Variants in GRM8 observed in about 807,000 individuals in gnomAD.
GRM8 encodes glutamate metabotropic receptor 8, also known as metabotropic glutamate receptor 8.
In GRM8, 47 loss-of-function variants were observed where a neutral mutation model predicts 87.2. The ratio of observed to expected loss-of-function variants is 0.54; its 90% CI spans 0.43 to 0.69. The LOEUF (loss-of-function observed/expected upper bound fraction) is 0.69. GRM8 is among the 30% of genes least tolerant of loss of function. The pLI is 0.00. For missense variants in GRM8, 1,019 were observed against 1,139.2 expected (o/e 0.89, Z 1.52); for synonymous variants, 396 against 404.5 (o/e 0.98, Z 0.25).
At chr7:127,140,165 T>TGAA (rs1828182162) in intron 2 of GRM8, among the ~76,000 whole-genome samples, 1 of 152,142 alleles carries the variant, frequency 6.6e-6, no homozygotes, top group Admixed American at 6.5e-5. Context: ...CTTAATCTAT[T>TGAA]TCAGCTTTTC....
intron 9 of GRM8, among the ~76,000 whole-genome samples, chr7:126,479,050 C>T (rs1806341968): frequency 6.6e-6 from 1 of 151,986 alleles, no homozygotes; most frequent in Non-Finnish European, 1.5e-5. Context: ...ATGATATTAA[C>T]TTTCTTTTGC....
intron 6 of GRM8, among the ~76,000 whole-genome samples, chr7:126,808,772 C>T (rs1793015317): frequency 6.6e-6 from 1 of 152,136 alleles, no homozygotes; most frequent in Admixed American, 6.5e-5. Flanking sequence ...ACCAGAAGAA[C>T]TATTTCTTGA....
intron 3 of GRM8, among the ~76,000 whole-genome samples, chr7:127,007,779 C>G (rs957413833): frequency 6.6e-6 from 1 of 151,946 alleles, no homozygotes; most frequent in Non-Finnish European, 1.5e-5. Context: ...CTTAAGAACT[C>G]CAACAGAATT....
chr7:127,003,410 G>C (rs1813922681), intron 3 of GRM8, among the ~76,000 whole-genome samples: 1 of 151,728 alleles, frequency 6.6e-6, no homozygotes, highest in Non-Finnish European at 1.5e-5. Context: ...TTTCTTCTGA[G>C]AAAAAGTGTG....
chr7:127,182,003 T>C (rs1220171020), intron 2 of GRM8, among the ~76,000 whole-genome samples: 1 of 151,982 alleles, frequency 6.6e-6, no homozygotes, highest in Non-Finnish European at 1.5e-5. Flanking sequence ...TAGGACCTAA[T>C]TAAACTAAAG....
intron 7 of GRM8, among the ~76,000 whole-genome samples, chr7:126,746,133 A>C (rs570454207): frequency 2.0e-5 from 3 of 151,824 alleles, no homozygotes; most frequent in Admixed American, 2.0e-4. Context: ...CACCAGGGAA[A>C]ATATCAAAAT....
chr7:127,023,278 C>G (rs966286163), intron 3 of GRM8, among the ~76,000 whole-genome samples: 1 of 151,996 alleles, frequency 6.6e-6, no homozygotes, highest in East Asian at 1.9e-4. Flanking sequence ...ATTTTTAAGG[C>G]TTTGTTATGA....
chr7:127,200,312 G>A (rs1795516875), intron 2 of GRM8, among the ~76,000 whole-genome samples: 1 of 151,996 alleles, frequency 6.6e-6, no homozygotes, highest in Non-Finnish European at 1.5e-5. Context: ...CAATATTTTG[G>A]GAACTCTTAC....
chr7:126,525,714 C>T (rs2150815509), intron 9 of GRM8, among the ~76,000 whole-genome samples: 1 of 152,208 alleles, frequency 6.6e-6, no homozygotes, highest in Non-Finnish European at 1.5e-5. Flanking sequence ...AATGTTTGTT[C>T]TAACAATATA....
At chr7:126,607,886 C>T (rs529049416) in intron 8 of GRM8, among the ~76,000 whole-genome samples, 71 of 129,724 alleles carry the variant, frequency 5.5e-4, no homozygotes, top group Non-Finnish European at 1.0e-3. Flanking sequence ...CTGTGATGTT[C>T]CCCTTCCTGT....
intron 9 of GRM8, among the ~76,000 whole-genome samples, chr7:126,531,369 A>C (rs2150846460): frequency 1.3e-5 from 2 of 152,340 alleles, no homozygotes; most frequent in South Asian, 4.1e-4. Context: ...TGTGCTTCTT[A>C]GATTTAGTTT....
At chr7:126,842,345 G>A (rs1054820062) in intron 6 of GRM8, among the ~76,000 whole-genome samples, 4 of 152,152 alleles carry the variant, frequency 2.6e-5, no homozygotes, top group African/African-American at 9.7e-5. Flanking sequence ...TGATTTCTAA[G>A]TTACAAACTG....
At chr7:126,600,606 T>C (rs753695904) in intron 8 of GRM8, among the ~76,000 whole-genome samples, 2 of 152,172 alleles carry the variant, frequency 1.3e-5, no homozygotes, top group Non-Finnish European at 2.9e-5. Flanking sequence ...AGTCAATATG[T>C]AGAAAAGATC....
chr7:126,813,210 A>T (rs1283818971), intron 6 of GRM8, among the ~76,000 whole-genome samples: 9 of 152,076 alleles, frequency 5.9e-5, no homozygotes, highest in Admixed American at 3.9e-4. Context: ...ACTATTACAA[A>T]GGTTGAAGCC....
intron 7 of GRM8, among the ~76,000 whole-genome samples, chr7:126,706,182 A>T (rs1810490969): frequency 6.6e-6 from 1 of 152,192 alleles, no homozygotes; most frequent in Non-Finnish European, 1.5e-5. Flanking sequence ...GATTTTAAAA[A>T]TCTATAGTAT....
At chr7:127,115,229 A>G (rs1826630552) in intron 2 of GRM8, among the ~76,000 whole-genome samples, 1 of 152,220 alleles carries the variant, frequency 6.6e-6, no homozygotes, top group Non-Finnish European at 1.5e-5. Flanking sequence ...CAGCCAGCAG[A>G]CAGCAAAAGA....
chr7:126,585,044 T>C (rs1795968938), intron 8 of GRM8, among the ~76,000 whole-genome samples: 1 of 152,184 alleles, frequency 6.6e-6, no homozygotes, highest in Non-Finnish European at 1.5e-5. Context: ...TCTTAAACAC[T>C]GTGAATTCTT....
chr7:126,450,343 G>T (rs1402133289), intron 9 of GRM8, among the ~76,000 whole-genome samples: 1 of 151,750 alleles, frequency 6.6e-6, no homozygotes, highest in African/African-American at 2.4e-5. Flanking sequence ...TTTATGCCAC[G>T]TGATAAGAAA....
chr7:126,980,846 T>C (rs1006812911), intron 3 of GRM8: 1 of 152,190 alleles, frequency 6.6e-6, no homozygotes, highest in African/African-American at 2.4e-5. Flanking sequence ...TTCCTTACAA[T>C]TGGTCATGCA....
Sources: allele counts gnomAD v4.1 joint callset (sites outside exome capture counted in the v4.1 genomes callset), GRCh38; gene constraint gnomAD v4.1.1; transcripts MANE v1.5; gene names NCBI Gene and HGNC (gene_info 2026-07-23, HGNC 2026-07-21).